The following SLC12A8 variants were observed in gnomAD, a reference collection of about 807,000 sequenced individuals.
SLC12A8 encodes the protein cation-chloride cotransporter 9.
A neutral mutation model predicts 75.6 loss-of-function variants in SLC12A8; 69 were observed. That is an observed-to-expected ratio of 0.91 (90% CI 0.75 to 1.11). The LOEUF is 1.11. Among genes scored for constraint, SLC12A8 ranks in the 50% most tolerant of loss-of-function variants. SLC12A8 has a pLI of 0.00. For synonymous variants in SLC12A8, 365 were observed against 372.8 expected, an observed-to-expected ratio of 0.98 and a Z score of 0.24; for missense variants, 877 against 896.7, an observed-to-expected ratio of 0.98 and a Z score of 0.28.
At chr3:125,210,049 T>C (rs1476379582) in intron 2 of SLC12A8, among the ~76,000 whole-genome samples, 1 of 152,162 alleles carries the variant, frequency 6.6e-6, no homozygotes, top group African/African-American at 2.4e-5. Context: ...CTTCGATGTT[T>C]AGCTATTAAG....
chr3:125,085,676 A>C (rs953864382), intron 13 of SLC12A8, among the ~76,000 whole-genome samples: 1 of 152,152 alleles, frequency 6.6e-6, no homozygotes, highest in African/African-American at 2.4e-5. Context: ...TCCCAGGTTC[A>C]AGCAATTCTC....
chr3:125,108,973 G>A (rs1050830889), intron 9 of SLC12A8, among the ~76,000 whole-genome samples: 3 of 152,184 alleles, frequency 2.0e-5, no homozygotes, highest in Admixed American at 6.5e-5. Flanking sequence ...GAAAAAAGGT[G>A]CTAGCTGCCT....
At chr3:125,210,336 G>C (rs1430149340) in intron 2 of SLC12A8, among the ~76,000 whole-genome samples, 2 of 152,184 alleles carry the variant, frequency 1.3e-5, no homozygotes, top group Admixed American at 6.5e-5. Context: ...GGTTCAGCTG[G>C]AAGGTGTGGC....
chr3:125,122,149 C>T (rs1560058665), intron 6 of SLC12A8, among the ~76,000 whole-genome samples: 2 of 152,030 alleles, frequency 1.3e-5, no homozygotes, highest in Admixed American at 6.5e-5. Context: ...TTTTAAGACG[C>T]ATATTAGAAA....
At chr3:125,160,649 TTCACAC>T (rs1934146638) in intron 5 of SLC12A8, among the ~76,000 whole-genome samples, 1 of 152,208 alleles carries the variant, frequency 6.6e-6, no homozygotes, top group African/African-American at 2.4e-5. Flanking sequence ...CTTAAGTCTT[TTCACAC>T]TCAGGATTAA....
intron 10 of SLC12A8, among the ~76,000 whole-genome samples, chr3:125,106,475 G>A (rs1422320499): frequency 6.6e-6 from 1 of 151,894 alleles, no homozygotes; most frequent in Non-Finnish European, 1.5e-5. Flanking sequence ...CAACTCTCCT[G>A]CCACTGCAAC....
At chr3:125,117,863 T>A (rs1038984580) in intron 8 of SLC12A8, among the ~76,000 whole-genome samples, 1 of 152,140 alleles carries the variant, frequency 6.6e-6, no homozygotes, top group Non-Finnish European at 1.5e-5. Context: ...TGCCAGGAAT[T>A]CATTAATCTT....
At chr3:125,199,916 A>AT (rs889868660) in intron 2 of SLC12A8, among the ~76,000 whole-genome samples, 2 of 152,154 alleles carry the variant, frequency 1.3e-5, no homozygotes, top group African/African-American at 4.8e-5. Context: ...CCAACGTCCT[A>AT]TTTTTCATAT....
intron 10 of SLC12A8, among the ~76,000 whole-genome samples, chr3:125,094,747 C>T (rs1392356813): frequency 6.6e-6 from 1 of 152,222 alleles, no homozygotes; most frequent in African/African-American, 2.4e-5. Context: ...ATTGCCTATG[C>T]AGTCTCTATA....
chr3:125,125,843 T>C (rs1933191050), intron 6 of SLC12A8: 1 of 636,938 alleles, frequency 1.6e-6, no homozygotes, highest in Non-Finnish European at 2.0e-6. Flanking sequence ...CCTTCTGAAA[T>C]AGTAATTGCA....
intron 5 of SLC12A8, among the ~76,000 whole-genome samples, chr3:125,166,333 TTTCCA>T (rs1934289141): frequency 5.5e-5 from 1 of 18,282 alleles, no homozygotes; most frequent in Admixed American, 9.2e-4. Flanking sequence ...TCTCGTCTCT[TTTCCA>T]CCCTAGAGGC....
intron 2 of SLC12A8, among the ~76,000 whole-genome samples, chr3:125,193,672 A>G (rs1934950650): frequency 6.6e-6 from 1 of 152,218 alleles, no homozygotes. Flanking sequence ...ATACACACAA[A>G]GTACTGGATT....
chr3:125,109,293 C>A (rs1327922499), intron 9 of SLC12A8, among the ~76,000 whole-genome samples: 2 of 152,208 alleles, frequency 1.3e-5, no homozygotes, highest in Non-Finnish European at 2.9e-5. Flanking sequence ...ATTATACTGA[C>A]AACTTCCAAA....
intron 5 of SLC12A8, among the ~76,000 whole-genome samples, chr3:125,175,905 T>A (rs1160720715): frequency 1.3e-5 from 2 of 152,012 alleles, no homozygotes; most frequent in African/African-American, 4.8e-5. Context: ...AGGTGCCGGA[T>A]CGTTGGGGCA....
At chr3:125,099,170 A>G (rs968184990) in intron 10 of SLC12A8, among the ~76,000 whole-genome samples, 1 of 152,216 alleles carries the variant, frequency 6.6e-6, no homozygotes, top group Non-Finnish European at 1.5e-5. Context: ...GGCTATGCAG[A>G]GCCTTAAGGG....
chr3:125,103,895 A>G (rs1354253417), intron 10 of SLC12A8, among the ~76,000 whole-genome samples: 1 of 151,974 alleles, frequency 6.6e-6, no homozygotes, highest in Admixed American at 6.6e-5. Context: ...CAGCCTCCCA[A>G]AGTGCTGGAT....
intron 4 of SLC12A8, among the ~76,000 whole-genome samples, chr3:125,185,519 A>G (rs116730315): frequency 0.013 from 1,915 of 152,248 alleles, 49 homozygotes; most frequent in African/African-American, 0.042. Flanking sequence ...AGATGGCTTC[A>G]TGGCAAAATT....
At chr3:125,184,589 A>T (rs1295686051) in intron 4 of SLC12A8, among the ~76,000 whole-genome samples, 4 of 151,980 alleles carry the variant, frequency 2.6e-5, no homozygotes, top group African/African-American at 9.7e-5. Flanking sequence ...TTTGACAATC[A>T]TTAGAAATAA....
At chr3:125,127,648 C>T (rs35596691) in intron 6 of SLC12A8, among the ~76,000 whole-genome samples, 4,072 of 152,308 alleles carry the variant, frequency 0.027, 80 homozygotes, top group South Asian at 0.041. Context: ...TCAACCACTT[C>T]ATGGCAGCCC....
Sources: allele counts gnomAD v4.1 joint callset (sites outside exome capture counted in the v4.1 genomes callset), GRCh38; gene constraint gnomAD v4.1.1; transcripts MANE v1.5; gene names NCBI Gene and HGNC (gene_info 2026-07-23, HGNC 2026-07-21).